FOXP1: variants seen among roughly 807,000 people sequenced by gnomAD.
The protein encoded by FOXP1 is forkhead box protein P1.
Under a neutral mutation model 98.2 loss-of-function variants are expected in FOXP1, and 15 were observed. The ratio of observed to expected loss-of-function variants is 0.15; its 90% CI spans 0.10 to 0.24. The LOEUF (loss-of-function observed/expected upper bound fraction) is 0.24, where lower values mean the gene tolerates loss of function less well. FOXP1 is among the 10% of genes least tolerant of loss of function. The pLI is 1.00. For missense variants in FOXP1, 633 were observed against 848.5 expected (o/e 0.75, Z 3.15); for synonymous variants, 371 against 314.5 (o/e 1.18, Z -1.90).
intron 2 of FOXP1, among the ~76,000 whole-genome samples, chr3:71,529,842 A>G (rs1020844405): frequency 4.6e-5 from 7 of 152,166 alleles, no homozygotes; most frequent in African/African-American, 1.7e-4. Context: ...ATGTAATACC[A>G]CAATACTGTT....
chr3:71,420,173 A>G (rs1193909608), intron 3 of FOXP1, among the ~76,000 whole-genome samples: 1 of 152,154 alleles, frequency 6.6e-6, no homozygotes, highest in Non-Finnish European at 1.5e-5. Flanking sequence ...CAAATTCTGA[A>G]GTTTCCTCTT....
chr3:71,455,328 A>T (rs778049245), intron 3 of FOXP1, among the ~76,000 whole-genome samples: 9 of 152,084 alleles, frequency 5.9e-5, no homozygotes, highest in Non-Finnish European at 1.0e-4. Context: ...GACGGAAAGC[A>T]CCCTCCTTAA....
intron 7 of FOXP1, among the ~76,000 whole-genome samples, chr3:71,066,147 T>C (rs1002707404): frequency 3.3e-5 from 5 of 150,268 alleles, no homozygotes; most frequent in Admixed American, 6.6e-5. Flanking sequence ...CCAGGAATTT[T>C]ACTTGAAAGT....
intron 3 of FOXP1, among the ~76,000 whole-genome samples, chr3:71,443,962 C>A (rs1270373222): frequency 6.6e-6 from 1 of 152,158 alleles, no homozygotes; most frequent in Non-Finnish European, 1.5e-5. Flanking sequence ...TTTGGACCAG[C>A]AGCTTGGCAC....
At chr3:71,147,000 C>T (rs1437682988) in intron 6 of FOXP1, among the ~76,000 whole-genome samples, 1 of 152,246 alleles carries the variant, frequency 6.6e-6, no homozygotes, top group African/African-American at 2.4e-5. Context: ...TGGTCCCCCA[C>T]ACAAAGCCCC....
In FOXP1 at chr3:71,310,689, T is replaced by C. The variant is rs1382676170; in HGVS notation, c.-72-10809A>G. On this transcript the variant is annotated intron_variant, in intron 4 of 20. Transcript: ENST00000649528. Reference sequence around the variant, plus strand: ...CTTTTGGTTCTCTTCTGGGCGTTTCTGCCCAGAGTCCCCTGGTTTGGACAG... The same window carrying C: ...CTTTTGGTTCTCTTCTGGGCGTTTCCGCCCAGAGTCCCCTGGTTTGGACAG... Among the ~76,000 whole-genome samples, 9 of 152,240 alleles carry C rather than the reference T, an allele frequency of 5.9e-5. No individual in the cohort carries two copies. In the South Asian group the frequency reaches 8.3e-4, roughly 14 times the overall value.
chr3:71,473,989 T>C (rs1049265669), intron 3 of FOXP1, among the ~76,000 whole-genome samples: 1 of 150,718 alleles, frequency 6.6e-6, no homozygotes, highest in Admixed American at 6.6e-5. Flanking sequence ...ATCTGTGTAA[T>C]GACTGGATGA....
intron 3 of FOXP1, among the ~76,000 whole-genome samples, chr3:71,418,767 C>A (rs1441647878): frequency 6.6e-6 from 1 of 152,086 alleles, no homozygotes; most frequent in Non-Finnish European, 1.5e-5. Context: ...GAGACCAATA[C>A]CACTGTCACT....
At chr3:71,324,627 G>T (rs911040189) in intron 4 of FOXP1, among the ~76,000 whole-genome samples, 1 of 151,814 alleles carries the variant, frequency 6.6e-6, no homozygotes, top group Non-Finnish European at 1.5e-5. Context: ...GGGGTGGGGG[G>T]AGTGGGGAGG....
rs114892517 is a variant in FOXP1 at position 71,308,638 on chromosome 3, C to T, written c.-72-8758G>A. Among the ~76,000 whole-genome samples, 485 of 152,172 alleles carry T rather than the reference C, an allele frequency of 3.2e-3. 1 individual carries two copies. Among genetic ancestry groups the T allele is most frequent in the Middle Eastern group, 0.014 (4 of 294 alleles). On this transcript the variant is annotated intron_variant, in intron 4 of 20. Transcript: ENST00000649528. ...AATCTGTGCACAACAGGAGAATAAACTGTCGCCCAAGGATCCTACATATTT... is the reference window on the plus strand; with the variant it reads ...AATCTGTGCACAACAGGAGAATAAATTGTCGCCCAAGGATCCTACATATTT...
chr3:71,450,672 C>A (rs2086861616), intron 3 of FOXP1, among the ~76,000 whole-genome samples: 1 of 152,098 alleles, frequency 6.6e-6, no homozygotes, highest in Non-Finnish European at 1.5e-5. Context: ...ATAGGACAAG[C>A]TCCTGTCTAA....
At chr3:71,304,163 G>A (rs959366114) in intron 4 of FOXP1, among the ~76,000 whole-genome samples, 21 of 152,258 alleles carry the variant, frequency 1.4e-4, no homozygotes, top group Non-Finnish European at 2.9e-4. Flanking sequence ...ATTAAGCCAC[G>A]TGGTGCAGTA....
chr3:70,997,892 G>C (rs2041608013), intron 13 of FOXP1, among the ~76,000 whole-genome samples: 1 of 152,302 alleles, frequency 6.6e-6, no homozygotes, highest in South Asian at 2.1e-4. Flanking sequence ...TGAATGGATG[G>C]ATGGATGCAT....
chr3:71,540,648 A>G (rs533685284), intron 2 of FOXP1, among the ~76,000 whole-genome samples: 2 of 152,358 alleles, frequency 1.3e-5, no homozygotes, highest in South Asian at 4.1e-4. Flanking sequence ...ATTCTAGAGC[A>G]GGGACAACAG....
intron 2 of FOXP1, among the ~76,000 whole-genome samples, chr3:71,495,975 G>A (rs2091379087): frequency 6.6e-6 from 1 of 152,152 alleles, no homozygotes; most frequent in South Asian, 2.1e-4. Context: ...TCAGCTTCAA[G>A]GGGGAAGCCA....
At chr3:71,395,955 T>C (rs915179081) in intron 3 of FOXP1, among the ~76,000 whole-genome samples, 3 of 152,148 alleles carry the variant, frequency 2.0e-5, no homozygotes, top group Admixed American at 6.6e-5. Flanking sequence ...TTTAATGATA[T>C]ATCGAATAAG....
At chr3:71,307,616 T>A (rs2074370601) in intron 4 of FOXP1, among the ~76,000 whole-genome samples, 1 of 152,202 alleles carries the variant, frequency 6.6e-6, no homozygotes, top group Non-Finnish European at 1.5e-5. Flanking sequence ...ACAATAGTGA[T>A]CTAACCTTGC....
chr3:71,394,417 T>G (rs1282690290), intron 3 of FOXP1, among the ~76,000 whole-genome samples: 1 of 152,220 alleles, frequency 6.6e-6, no homozygotes, highest in Non-Finnish European at 1.5e-5. Flanking sequence ...ACAGGTTATC[T>G]GTGAGTGTGA....
chr3:71,212,254 T>C (rs760451848), intron 5 of FOXP1, among the ~76,000 whole-genome samples: 5 of 152,220 alleles, frequency 3.3e-5, no homozygotes, highest in Non-Finnish European at 7.3e-5. Context: ...TCTCCCAACC[T>C]ATCCGTGAGT....
Sources: gnomAD v4.1 joint callset for allele counts (sites outside exome capture counted in the v4.1 genomes callset) on GRCh38, gnomAD v4.1.1 for gene constraint, MANE v1.5 for transcripts, NCBI Gene and HGNC (gene_info 2026-07-23, HGNC 2026-07-21) for gene names.